Variants in XXYLT1 observed in about 807,000 individuals in gnomAD.
XXYLT1 encodes xyloside xylosyltransferase 1.
XXYLT1 carries 20 observed loss-of-function variants against 28.9 expected under a neutral mutation model. The ratio of observed to expected loss-of-function variants is 0.69; its 90% confidence interval spans 0.49 to 1.00. The LOEUF is 1.00. Among genes scored for constraint, XXYLT1 ranks in the 50% least tolerant of loss-of-function variants. XXYLT1 has a pLI of 0.00. For missense variants in XXYLT1, 542 were observed against 560.1 expected, an observed-to-expected ratio of 0.97 and a Z score of 0.33; for synonymous variants, 257 against 253.8, an observed-to-expected ratio of 1.01 and a Z score of -0.12.
intron 3 of XXYLT1, among the ~76,000 whole-genome samples, chr3:195,143,818 A>ATATATATC (rs1719641203): frequency 1.0e-5 from 1 of 96,308 alleles, no homozygotes; most frequent in African/African-American, 4.4e-5. Context: ...ATATATAGAT[A>ATATATATC]TAGATATATA....
At position 195,256,957 on chromosome 3, in the gene XXYLT1, C is replaced by T. The variant is rs1009886757; in HGVS notation, c.504+13598G>A. On this transcript the variant is annotated intron_variant, in intron 1 of 3. Transcript: ENST00000310380. This position sits in a 1 kb window ranked among gnomAD's most constrained non-coding sequence, Gnocchi z 4.2. ...GAAGCCCCTTGTACCTCCCAAGGGCCAGCATCAGCATTTCTTCATGGTAAT... is the reference window on the plus strand; with the variant it reads ...GAAGCCCCTTGTACCTCCCAAGGGCTAGCATCAGCATTTCTTCATGGTAAT... 2.0e-5 allele frequency among the ~76,000 whole-genome samples: 3 copies of T among 152,162 alleles called. No individual in the cohort carries two copies. Among genetic ancestry groups the T allele is most frequent in the Non-Finnish European group, 4.4e-5 (3 of 68,022 alleles).
In XXYLT1 at chr3:195,185,085, A is replaced by AGAAAGGAAGGAAG. The variant is rs1434255998; in HGVS notation, c.653-28505_653-28504insCTTCCTTCCTTTC. On this transcript the variant is annotated intron_variant, in intron 2 of 3. Coordinates refer to ENST00000310380, the MANE Select transcript of XXYLT1 (RefSeq NM_152531.5). The stretch of plus-strand genomic sequence containing the variant: ...AAAGAAAAAAGGAAGGAAAGAAGGA[A>AGAAAGGAAGGAAG]GAAGGAAGGAAGGAAGGAAGGAAGG... 9.4e-4 allele frequency among the ~76,000 whole-genome samples: 95 copies of AGAAAGGAAGGAAG among 100,994 alleles called. 2 individuals carry two copies. The highest frequency in any genetic ancestry group is 2.7e-3 in the African/African-American group (63 of 23,196). 66.3% of individuals were successfully genotyped at this position (100,994 alleles called of 152,430 possible). A position where few individuals can be genotyped will look rare whatever the true frequency, so the allele number is the denominator to read the frequency against.
At chr3:195,264,602 A>G (rs775618325) in intron 1 of XXYLT1, among the ~76,000 whole-genome samples, 2 of 152,242 alleles carry the variant, frequency 1.3e-5, no homozygotes, top group Non-Finnish European at 2.9e-5. Context: ...TTATTTGTTA[A>G]AAATCCATCT....
intron 3 of XXYLT1, among the ~76,000 whole-genome samples, chr3:195,145,124 G>A (rs989335205): frequency 3.3e-5 from 5 of 152,200 alleles, no homozygotes; most frequent in African/African-American, 7.2e-5. Flanking sequence ...TTCCAAGTTC[G>A]TGATCCTTGG....
chr3:195,126,180 G>A (rs548304651), intron 3 of XXYLT1, among the ~76,000 whole-genome samples: 30 of 152,354 alleles, frequency 2.0e-4, no homozygotes, highest in African/African-American at 7.2e-4. Flanking sequence ...ACACACAGGT[G>A]AGGTCGAGAG....
chr3:195,186,916 A>G (rs1722222259), intron 2 of XXYLT1, among the ~76,000 whole-genome samples: 2 of 150,274 alleles, frequency 1.3e-5, no homozygotes, highest in Non-Finnish European at 3.0e-5. Flanking sequence ...TTTTTTTGAA[A>G]CAGACTCTTG....
intron 3 of XXYLT1, among the ~76,000 whole-genome samples, chr3:195,110,185 T>TA: frequency 3.3e-5 from 2 of 61,270 alleles, no homozygotes; most frequent in Non-Finnish European, 8.0e-5. Flanking sequence ...TATGTGTGTG[T>TA]GTGGGTGAGG....
At chr3:195,099,688 G>A (rs535865928) in intron 3 of XXYLT1, among the ~76,000 whole-genome samples, 11 of 152,130 alleles carry the variant, frequency 7.2e-5, no homozygotes, top group South Asian at 4.2e-4. Context: ...AAAATTAGCC[G>A]GGCGTGGTGG....
intron 3 of XXYLT1, among the ~76,000 whole-genome samples, chr3:195,107,866 G>C (rs1466819166): frequency 1.3e-5 from 2 of 151,594 alleles, no homozygotes; most frequent in Non-Finnish European, 2.9e-5. Flanking sequence ...CTCCCACGTG[G>C]AGGCATCACC....
intron 3 of XXYLT1, among the ~76,000 whole-genome samples, chr3:195,101,762 T>G (rs1174601451): frequency 7.5e-6 from 1 of 134,132 alleles, no homozygotes; most frequent in African/African-American, 2.9e-5. Flanking sequence ...GGGCTTTATG[T>G]CCAGCCTGGG....
chr3:195,104,055 A>C (rs905742131), intron 3 of XXYLT1, among the ~76,000 whole-genome samples: 2 of 152,190 alleles, frequency 1.3e-5, no homozygotes, highest in African/African-American at 4.8e-5. Context: ...CTTTTTAGAC[A>C]TTACATACAG....
At chr3:195,192,251 G>A (rs555811484) in intron 2 of XXYLT1, among the ~76,000 whole-genome samples, 5 of 151,970 alleles carry the variant, frequency 3.3e-5, no homozygotes, top group South Asian at 2.1e-4. Flanking sequence ...GGTGAAACCC[G>A]GCCTCTATTA....
chr3:195,105,317 T>A (rs1717024001), intron 3 of XXYLT1, among the ~76,000 whole-genome samples: 1 of 152,232 alleles, frequency 6.6e-6, no homozygotes, highest in Non-Finnish European at 1.5e-5. Flanking sequence ...GAATTTTCCC[T>A]CTACTAAATC....
Position 195,270,633 on chromosome 3 carries a change from C to T in XXYLT1, c.426G>A (p.Val142=). Residue 142 remains valine (V), a synonymous_variant, in exon 1 of 4, where the codon GTG becomes GTA. Coordinates refer to ENST00000310380, the MANE Select transcript of XXYLT1 (RefSeq NM_152531.5). ...CCACCTCGCGGCTGGCCTCCTCGCT[C>T]ACGAAGTGAAGGTTAAGCACCTCGT... The part of the protein sequence containing the change: ...EAHEVLNLHF[V]SEEASREVAK... The T allele has an allele frequency of 1.3e-6, 2 of 1,548,220 alleles. No homozygotes were observed. Among genetic ancestry groups the T allele is most frequent in the Non-Finnish European group, 1.7e-6 (2 of 1,151,960 alleles).
At chr3:195,245,554 A>G (rs1290856742) in intron 1 of XXYLT1, among the ~76,000 whole-genome samples, 1 of 152,162 alleles carries the variant, frequency 6.6e-6, no homozygotes, top group Non-Finnish European at 1.5e-5. Context: ...AAGCCATTTA[A>G]TTTGAGCGGC....
At chr3:195,154,797 C>T (rs930870604) in intron 3 of XXYLT1, among the ~76,000 whole-genome samples, 22 of 152,200 alleles carry the variant, frequency 1.4e-4, no homozygotes, top group African/African-American at 5.3e-4. Context: ...ACTTTCTCTC[C>T]TGCTCTAAAA....
chr3:195,254,305 C>G (rs1200910662), intron 1 of XXYLT1, among the ~76,000 whole-genome samples: 1 of 152,254 alleles, frequency 6.6e-6, no homozygotes, highest in East Asian at 1.9e-4. Flanking sequence ...ACCCTCCCAA[C>G]CACAGGACGC....
chr3:195,163,003 T>G (rs1311332687), intron 2 of XXYLT1, among the ~76,000 whole-genome samples: 1 of 152,162 alleles, frequency 6.6e-6, no homozygotes, highest in African/African-American at 2.4e-5. Context: ...GGTTTTTTTT[T>G]GTCTCTAAAA....
chr3:195,227,229 G>C (rs1038989489), intron 1 of XXYLT1, among the ~76,000 whole-genome samples: 6 of 152,166 alleles, frequency 3.9e-5, no homozygotes, highest in African/African-American at 1.4e-4. Flanking sequence ...TGGAAACCAC[G>C]TGAGAGTGTG....
Sources: allele counts gnomAD v4.1 joint callset (sites outside exome capture counted in the v4.1 genomes callset), GRCh38; gene constraint gnomAD v4.1.1; non-coding constraint Gnocchi (gnomAD v3.1); transcripts MANE v1.5; gene names NCBI Gene and HGNC (gene_info 2026-07-23, HGNC 2026-07-21).